Variants in SH3RF3 observed in about 807,000 individuals in gnomAD.
The protein encoded by SH3RF3 is SH3 domain containing ring finger 3.
In SH3RF3, 29 loss-of-function variants were observed where a neutral mutation model predicts 66.3. The observed-to-expected ratio is 0.44, with a 90% confidence interval of 0.33 to 0.60. The LOEUF is 0.60. Ranked by LOEUF, SH3RF3 falls within the 20% of genes least tolerant of loss-of-function variation. The probability of loss-of-function intolerance (pLI) is 0.04; values close to 1 mark genes in which losing one functional copy is unlikely to be tolerated. For synonymous variants in SH3RF3, 583 were observed against 532.0 expected (o/e 1.10, Z -1.32); for missense variants, 1,194 against 1,190.9 (o/e 1.00, Z -0.04).
chr2:109,237,601 T>C (rs1012076044), intron 1 of SH3RF3, among the ~76,000 whole-genome samples: 1 of 152,134 alleles, frequency 6.6e-6, no homozygotes, highest in African/African-American at 2.4e-5. Flanking sequence ...GATTTTTGTG[T>C]GTGTGAATTT....
At chr2:109,151,595 T>A (rs1209485842) in intron 1 of SH3RF3, among the ~76,000 whole-genome samples, 3 of 152,240 alleles carry the variant, frequency 2.0e-5, no homozygotes, top group Non-Finnish European at 4.4e-5. Flanking sequence ...ACTTATTAAT[T>A]TGCATCCTTT....
chr2:109,171,054 GT>G (rs1677769214), intron 1 of SH3RF3, among the ~76,000 whole-genome samples: 1 of 152,192 alleles, frequency 6.6e-6, no homozygotes, highest in African/African-American at 2.4e-5. Context: ...CTGTGTCCTG[GT>G]TTGGTTCATG....
intron 7 of SH3RF3, among the ~76,000 whole-genome samples, chr2:109,441,808 A>G (rs1284887679): frequency 6.6e-6 from 1 of 152,198 alleles, no homozygotes; most frequent in African/African-American, 2.4e-5. Context: ...AGAGGACAAA[A>G]AGATACATTA....
chr2:109,263,169 A>G lies in SH3RF3; in HGVS notation c.574-84505A>G, dbSNP rs11885517. 1.9e-3 allele frequency among the ~76,000 whole-genome samples: 285 copies of G among 152,332 alleles called. 1 individual carries two copies. In the Middle Eastern group the frequency reaches 0.02, roughly 11 times the overall value. On this transcript the variant is annotated intron_variant, in intron 1 of 9. Transcript: ENST00000309415. ...CCGCAATCACTTTGTTAAATGAGTT[A>G]AGAACGGCAGAGACATGTGCATTCA... is the stretch of plus-strand genomic sequence containing the variant.
chr2:109,288,433 A>G (rs1487726862), intron 1 of SH3RF3, among the ~76,000 whole-genome samples: 2 of 152,194 alleles, frequency 1.3e-5, no homozygotes, highest in Non-Finnish European at 2.9e-5. Flanking sequence ...GCCAGCTTTA[A>G]AACCCGATAA....
chr2:109,172,440 T>TA (rs1047724100), intron 1 of SH3RF3, among the ~76,000 whole-genome samples: 64 of 152,348 alleles, frequency 4.2e-4, no homozygotes, highest in African/African-American at 1.5e-3. Context: ...AACATTAAAA[T>TA]ACGTTTATTG....
intron 8 of SH3RF3, among the ~76,000 whole-genome samples, chr2:109,462,847 T>C (rs11680260): frequency 0.52 from 79,001 of 152,064 alleles, 21,015 homozygotes; most frequent in Non-Finnish European, 0.56. Flanking sequence ...CTGTGCTCCA[T>C]AAGCCCGTCC....
intron 8 of SH3RF3, among the ~76,000 whole-genome samples, chr2:109,469,061 T>TA: frequency 6.6e-6 from 1 of 152,016 alleles, no homozygotes; most frequent in African/African-American, 2.4e-5. Flanking sequence ...GCCAGGCATG[T>TA]AAGCTGAGAA....
At chr2:109,439,672 G>A (rs990413896) in intron 7 of SH3RF3, among the ~76,000 whole-genome samples, 2 of 152,076 alleles carry the variant, frequency 1.3e-5, no homozygotes, top group African/African-American at 4.8e-5. Flanking sequence ...AGTGTTCCTT[G>A]CACACTCCTG....
At chr2:109,165,387 G>A (rs1443805497) in intron 1 of SH3RF3, among the ~76,000 whole-genome samples, 1 of 152,178 alleles carries the variant, frequency 6.6e-6, no homozygotes, top group Non-Finnish European at 1.5e-5. Context: ...TGACAGGGTG[G>A]TTGGAGAAAT....
chr2:109,283,833 G>A (rs1680952782), intron 1 of SH3RF3, among the ~76,000 whole-genome samples: 1 of 152,232 alleles, frequency 6.6e-6, no homozygotes, highest in Non-Finnish European at 1.5e-5. Flanking sequence ...GGATTTGCCA[G>A]TCTTGCTGCT....
chr2:109,475,862 T>C (rs532051855), intron 8 of SH3RF3, among the ~76,000 whole-genome samples: 4 of 152,224 alleles, frequency 2.6e-5, no homozygotes, highest in Non-Finnish European at 5.9e-5. Flanking sequence ...TATGCTGATA[T>C]TGATTACCTT....
chr2:109,203,141 C>T (rs1170309838), intron 1 of SH3RF3, among the ~76,000 whole-genome samples: 1 of 152,154 alleles, frequency 6.6e-6, no homozygotes, highest in Non-Finnish European at 1.5e-5. Context: ...CCTCAGCAGT[C>T]AAGGAGCACT....
chr2:109,350,856 T>C (rs1004531193), intron 2 of SH3RF3, among the ~76,000 whole-genome samples: 19 of 152,248 alleles, frequency 1.2e-4, no homozygotes, highest in Non-Finnish European at 2.2e-4. Flanking sequence ...TATGTTCCAT[T>C]CCTGAGTCAG....
In SH3RF3 at chr2:109,129,382, C is replaced by A; in HGVS notation, c.-159C>A. The A allele has an allele frequency of 8.0e-7, 1 of 1,250,302 alleles. No homozygotes were observed. Among genetic ancestry groups the A allele is most frequent in the Non-Finnish European group, 1.1e-6 (1 of 909,062 alleles). The allele number at this position is 1,250,302 out of a possible 1,614,324, so 77.5% of individuals were successfully genotyped here. ...GCCACGCAGGCCGGTCGGTGAGCCA[C>A]TTCGCACCGCCACAGCCCTAGCATC... On this transcript the variant is annotated 5_prime_UTR_variant, in exon 1 of 10. Transcript: ENST00000309415.
intron 9 of SH3RF3, among the ~76,000 whole-genome samples, chr2:109,492,321 T>C (rs1024228370): frequency 5.3e-5 from 8 of 152,222 alleles, no homozygotes; most frequent in Non-Finnish European, 1.0e-4. Context: ...AGATGATGCC[T>C]AGCGCCAAGC....
At chr2:109,316,194 G>T (rs1475378994) in intron 1 of SH3RF3, among the ~76,000 whole-genome samples, 1 of 152,200 alleles carries the variant, frequency 6.6e-6, no homozygotes, top group Non-Finnish European at 1.5e-5. Flanking sequence ...CCTGGGGAAG[G>T]TTCCACCAGT....
At chr2:109,443,214 A>G in intron 7 of SH3RF3, among the ~76,000 whole-genome samples, 1 of 152,266 alleles carries the variant, frequency 6.6e-6, no homozygotes, top group East Asian at 1.9e-4. Context: ...TTGACAAAAG[A>G]GAAAATGAGG....
At position 109,160,892 on chromosome 2, in the gene SH3RF3, G is replaced by C. The variant is rs1444316062; in HGVS notation, c.573+30779G>C. 2.0e-5 allele frequency among the ~76,000 whole-genome samples: 3 copies of C among 152,206 alleles called. 1 individual carries two copies. In the East Asian group the frequency reaches 5.8e-4, roughly 29 times the overall value. On this transcript the variant is annotated intron_variant, in intron 1 of 9. Transcript: ENST00000309415. Reference sequence around the variant, plus strand: ...AGGCTGCAGGTGGGCCACTGTGGCAGGAGTTGTTTGAGTGTCTGGGGATTA... The same window carrying C: ...AGGCTGCAGGTGGGCCACTGTGGCACGAGTTGTTTGAGTGTCTGGGGATTA...
Sources: allele counts gnomAD v4.1 joint callset (sites outside exome capture counted in the v4.1 genomes callset), GRCh38; gene constraint gnomAD v4.1.1; transcripts MANE v1.5; gene names NCBI Gene and HGNC (gene_info 2026-07-23, HGNC 2026-07-21).